Variants in PLAC1 observed in about 807,000 individuals in gnomAD.
PLAC1 encodes the protein placenta associated 1.
For synonymous variants in PLAC1, 68 were observed against 62.1 expected (o/e 1.09, Z -0.44); for missense variants, 136 against 163.2 (o/e 0.83, Z 0.91).
At chrX:134,598,744 T>C (rs2078073479) in intron 2 of PLAC1, among the ~76,000 whole-genome samples, 1 of 111,680 alleles carries the variant, frequency 9.0e-6, no homozygotes, top group Non-Finnish European at 1.9e-5. Context: ...ACAGGACTTG[T>C]TAACAGACTG....
intron 2 of PLAC1, among the ~76,000 whole-genome samples, chrX:134,567,575 G>A (rs1397881459): frequency 9.1e-6 from 1 of 110,303 alleles, no homozygotes; most frequent in Non-Finnish European, 1.9e-5. Context: ...GGGCAATATA[G>A]TGAGAGCCTG....
chrX:134,687,542 A>G (rs2078521397), intron 2 of PLAC1, among the ~76,000 whole-genome samples: 1 of 108,908 alleles, frequency 9.2e-6, no homozygotes, highest in Non-Finnish European at 1.9e-5. Context: ...CTTAGGGGGC[A>G]GATGTAAGGG....
At chrX:134,740,395 A>G (rs2078714440) in intron 1 of PLAC1, among the ~76,000 whole-genome samples, 1 of 110,946 alleles carries the variant, frequency 9.0e-6, no homozygotes, top group Non-Finnish European at 1.9e-5. Context: ...GTAAGCAACC[A>G]TGGAGATCTC....
At chrX:134,636,533 A>G (rs2124421975) in intron 1 of PLAC1, among the ~76,000 whole-genome samples, 1 of 112,436 alleles carries the variant, frequency 8.9e-6, no homozygotes, top group African/African-American at 3.2e-5. Context: ...GTTGAAGCCA[A>G]ATGCTGATGA....
intron 2 of PLAC1, among the ~76,000 whole-genome samples, chrX:134,687,815 CATATATATAT>C (rs56675396): frequency 0.081 from 2,499 of 31,009 alleles, 118 homozygotes; most frequent in Admixed American, 0.11. Context: ...ACTGAGATAA[CATATATATAT>C]ATATATATAT....
intron 1 of PLAC1, among the ~76,000 whole-genome samples, chrX:134,622,955 T>G (rs1244974325): frequency 1.8e-5 from 2 of 111,819 alleles, no homozygotes; most frequent in Non-Finnish European, 3.8e-5. Flanking sequence ...GGTAAAAATG[T>G]CTTCCCTGGG....
rs1672290387 is a variant in PLAC1 at position 134,750,829 on chromosome X, AT to A, written n.89+13404del. Among the ~76,000 whole-genome samples the A allele has an allele frequency of 1.5e-4, 5 of 33,140 alleles. 2 individuals carry two copies. Among genetic ancestry groups the A allele is most frequent in the African/African-American group, 5.7e-4 (3 of 5,227 alleles). The allele number at this position is 33,140 out of a possible 115,157, so 28.8% of individuals were successfully genotyped here. ...AAAAAAAAAATATATATATATATAT[AT>A]ATATTTATATATATATTTATATATA... On this transcript the variant is annotated intron_variant and non_coding_transcript_variant, in intron 1 of 2. Transcript: ENST00000466797.
intron 1 of PLAC1, among the ~76,000 whole-genome samples, chrX:134,614,056 T>C (rs998464489): frequency 1.8e-4 from 20 of 110,216 alleles, no homozygotes; most frequent in African/African-American, 6.3e-4. Context: ...CTTATCTGCC[T>C]GCCACACTGC....
At chrX:134,651,493 T>C (rs1283614568) in intron 1 of PLAC1, 1 of 120,051 alleles carries the variant, frequency 8.3e-6, no homozygotes, top group African/African-American at 3.2e-5. Flanking sequence ...GAAACTGAGT[T>C]CCAAAAGGAT....
chrX:134,612,876 G>C, intron 1 of PLAC1, among the ~76,000 whole-genome samples: 1 of 111,086 alleles, frequency 9.0e-6, no homozygotes, highest in Admixed American at 9.6e-5. Context: ...TGGACCCCCA[G>C]GGGGTCCTAT....
At position 134,614,596 on chromosome X, in the gene PLAC1, T is replaced by TAC. The variant is rs112359386; in HGVS notation, c.-130-12476_-130-12475dup. On this transcript the variant is annotated intron_variant, in intron 1 of 2. Coordinates refer to ENST00000359237, the MANE Select transcript of PLAC1 (RefSeq NM_021796.4). ...GCTGAATAGTATTCTGTATATATGA[T>TAC]ACACACACACACACACACACAATAT... Among the ~76,000 whole-genome samples the TAC allele has an allele frequency of 2.5e-3, 262 of 106,512 alleles. 1 individual carries two copies. Among genetic ancestry groups the TAC allele is most frequent in the South Asian group, 0.017 (42 of 2,473 alleles). The allele number at this position is 106,512 out of a possible 115,157, so 92.5% of individuals were successfully genotyped here. A position where few individuals can be genotyped will look rare whatever the true frequency, so the allele number is the denominator to read the frequency against.
chrX:134,646,462 T>C (rs2078334005), intron 1 of PLAC1, among the ~76,000 whole-genome samples: 1 of 112,455 alleles, frequency 8.9e-6, no homozygotes, highest in Non-Finnish European at 1.9e-5. Flanking sequence ...TGCTGGTGAC[T>C]TACATTTAGA....
chrX:134,576,157 T>G (rs1055198407), intron 2 of PLAC1, among the ~76,000 whole-genome samples: 3 of 108,526 alleles, frequency 2.8e-5, no homozygotes, highest in African/African-American at 9.9e-5. Context: ...TATCTAATAT[T>G]CTATATATAC....
chrX:134,580,253 A>G (rs2077967729), intron 2 of PLAC1, among the ~76,000 whole-genome samples: 1 of 112,328 alleles, frequency 8.9e-6, no homozygotes, highest in African/African-American at 3.2e-5. Flanking sequence ...GCTTAAACGT[A>G]GCGACTGAGA....
At chrX:134,711,460 G>T (rs1452080816) in intron 2 of PLAC1, among the ~76,000 whole-genome samples, 1 of 111,908 alleles carries the variant, frequency 8.9e-6, no homozygotes, top group African/African-American at 3.2e-5. Context: ...GAGTATCAAG[G>T]CTTGTCTGTG....
chrX:134,711,580 G>C (rs2078628171), intron 2 of PLAC1, among the ~76,000 whole-genome samples: 1 of 111,610 alleles, frequency 9.0e-6, no homozygotes. Context: ...TATTGCTTTG[G>C]GCATGTTCCT....
In PLAC1 at chrX:134,750,946, AAT is replaced by A. The variant is rs1260048973; in HGVS notation, n.89+13286_89+13287del. ...ATATTTTTATATATATATATTTATA[AAT>A]ATATATATATATATTTATATATATA... On this transcript the variant is annotated intron_variant and non_coding_transcript_variant, in intron 1 of 2. Transcript: ENST00000466797. Among the ~76,000 whole-genome samples the A allele has an allele frequency of 8.3e-3, 287 of 34,507 alleles. 34 individuals carry two copies. Among genetic ancestry groups the A allele is most frequent in the Admixed American group, 0.011 (23 of 2,099 alleles). 30.0% of individuals were successfully genotyped at this position (34,507 alleles called of 115,157 possible).
intron 1 of PLAC1, among the ~76,000 whole-genome samples, chrX:134,617,601 C>T (rs1173484849): frequency 4.5e-5 from 5 of 111,676 alleles, no homozygotes; most frequent in Non-Finnish European, 9.4e-5. Context: ...TGGTTTTTAG[C>T]CTCATTTTGT....
At chrX:134,713,685 C>G (rs1472807385) in intron 2 of PLAC1, among the ~76,000 whole-genome samples, 2 of 111,846 alleles carry the variant, frequency 1.8e-5, no homozygotes, top group African/African-American at 6.5e-5. Flanking sequence ...CGGTAAATCA[C>G]AGCCTAAGCC....
Sources: gnomAD v4.1 joint callset for allele counts (sites outside exome capture counted in the v4.1 genomes callset) on GRCh38, gnomAD v4.1.1 for gene constraint, MANE v1.5 for transcripts, NCBI Gene and HGNC (gene_info 2026-07-23, HGNC 2026-07-21) for gene names.